BOD1L2: variants seen among roughly 807,000 people sequenced by gnomAD.
The protein encoded by BOD1L2 is biorientation of chromosomes in cell division 1 like 2.
A neutral mutation model predicts 5.3 loss-of-function variants in BOD1L2; 6 were observed. That is an observed-to-expected ratio of 1.14 (90% CI 0.62 to 2.25). The LOEUF is 2.25. Among genes scored for constraint, BOD1L2 ranks in the 30% most tolerant of loss-of-function variants. BOD1L2 has a pLI of 0.00. For synonymous variants in BOD1L2, 96 were observed against 96.3 expected, an observed-to-expected ratio of 1.00 and a Z score of 0.02; for missense variants, 210 against 227.2, an observed-to-expected ratio of 0.92 and a Z score of 0.49.
chr18:57,147,562 C>T lies in BOD1L2; in HGVS notation c.250C>T (p.Leu84=). ...AGCGGATAATTTTGTGTCGACACAT[C>T]TGGACAAGCAGGAATGGAATCCTCC... ...QKADNFVSTH[L]DKQEWNPPAN... The change falls in exon 1 of 1, where the codon CTG becomes TTG. Residue 84 remains leucine, a synonymous_variant. Transcript: ENST00000585477. 1 of 1,612,458 alleles carries T rather than the reference C, an allele frequency of 6.2e-7. No individual in the cohort carries two copies. The highest frequency in any genetic ancestry group is 2.2e-5 in the East Asian group (1 of 44,842).
At position 57,148,740 on chromosome 18, in the gene BOD1L2, G is replaced by A. The variant is rs58105850; in HGVS notation, c.*909G>A. On this transcript the variant is annotated 3_prime_UTR_variant, in exon 1 of 1. Transcript: ENST00000585477. ...GGCCCCTGGTCACCTCTGCTGCCCC[G>A]TACACTGTCATTTCTCATATGACAA... 2,412 of 152,294 alleles carry A rather than the reference G, an allele frequency of 0.016. 67 individuals are homozygous for A. Among genetic ancestry groups the A allele is most frequent in the African/African-American group, 0.055 (2,270 of 41,542 alleles). 9.4% of individuals were successfully genotyped at this position (152,294 alleles called of 1,614,324 possible). A position where few individuals can be genotyped will look rare whatever the true frequency, so the allele number is the denominator to read the frequency against.
In BOD1L2 at chr18:57,148,085, A is replaced by G. The variant is rs111337879; in HGVS notation, c.*254A>G. The G allele has an allele frequency of 0.013, 5,540 of 413,722 alleles. 243 individuals carry two copies. Among genetic ancestry groups the G allele is most frequent in the African/African-American group, 0.097 (4,880 of 50,164 alleles). 25.6% of individuals were successfully genotyped at this position (413,722 alleles called of 1,614,324 possible). Reference sequence around the variant, plus strand: ...AAGGGCATGACACCAAACACACACTACAGAGAGGGAAACACTACCGCGACC... The same window carrying G: ...AAGGGCATGACACCAAACACACACTGCAGAGAGGGAAACACTACCGCGACC... On this transcript the variant is annotated 3_prime_UTR_variant, in exon 1 of 1. Transcript: ENST00000585477.
chr18:57,147,396 G>A lies in BOD1L2; in HGVS notation c.84G>A (p.Pro28=), dbSNP rs952726889. The change falls in exon 1 of 1, where the codon CCG becomes CCA. Residue 28 remains proline, a synonymous_variant. Transcript: ENST00000585477. ...GCGGGGGCGGCGGCCCCATCAACCC[G>A]GCCTCGTTGCCCCCTGGCGACCCTC... The part of the protein sequence containing the change: ...RASGGGGPIN[P]ASLPPGDPQL... The A allele has an allele frequency of 1.5e-5, 23 of 1,535,082 alleles. No homozygotes were observed. The African/African-American group carries it at 2.7e-4, about 18-fold the overall frequency.
At position 57,147,573 on chromosome 18, in the gene BOD1L2, G is replaced by T. The variant is rs761601358; in HGVS notation, c.261G>T (p.Gln87His). Residue 87 changes from glutamine (Q) to histidine (H), a missense_variant, in exon 1 of 1, where the codon CAG becomes CAT. Transcript: ENST00000585477. ...DNFVSTHLDK[Q>H]EWNPPANDNQ... ...TTGTGTCGACACATCTGGACAAGCA[G>T]GAATGGAATCCTCCAGCAAACGACA... 3 of 1,613,016 alleles carry T rather than the reference G, an allele frequency of 1.9e-6. No homozygotes were observed. The Admixed American group carries it at 5.0e-5, about 27-fold the overall frequency.
chr18:57,147,659 T>G lies in BOD1L2; in HGVS notation c.347T>G (p.Val116Gly). The G allele has an allele frequency of 6.2e-7, 1 of 1,613,090 alleles. No individual in the cohort carries two copies. Among genetic ancestry groups the G allele is most frequent in the African/African-American group, 1.3e-5 (1 of 74,882 alleles). ...CAGTCAGGGAGGTCAGAAGCTGGAG[T>G]GGACAGGATTAGTTCTCAGGTGGTG... ...VVQSGRSEAG[V>G]DRISSQVVDP... Residue 116 changes from valine (V) to glycine (G), a missense_variant, in exon 1 of 1, where the codon GTG becomes GGG. Coordinates refer to ENST00000585477, the MANE Select transcript of BOD1L2 (RefSeq NM_001257964.2).
Position 57,147,160 on chromosome 18 carries a change from G to T in BOD1L2, c.-153G>T, listed in dbSNP as rs930036466. On this transcript the variant is annotated 5_prime_UTR_variant, in exon 1 of 1. Coordinates refer to ENST00000585477, the MANE Select transcript of BOD1L2 (RefSeq NM_001257964.2). ...CTCCCCCACCGCCGCCCCAACCACC[G>T]GCCCCGCCGCCATCACCACCACCGT... is the stretch of plus-strand genomic sequence containing the variant. The T allele has an allele frequency of 1.1e-6, 1 of 927,188 alleles. No homozygotes were observed. Among genetic ancestry groups the T allele is most frequent in the Non-Finnish European group, 1.3e-6 (1 of 756,476 alleles). 57.4% of individuals were successfully genotyped at this position (927,188 alleles called of 1,614,324 possible).
chr18:57,147,220 T>C lies in BOD1L2; in HGVS notation c.-93T>C. The stretch of plus-strand genomic sequence containing the variant: ...CGCTGCCTCCTTGGGGCCCTCCTCC[T>C]TCACCGCCCCCTTAGCCACCTCTAC... On this transcript the variant is annotated 5_prime_UTR_variant, in exon 1 of 1. Coordinates refer to ENST00000585477, the MANE Select transcript of BOD1L2 (RefSeq NM_001257964.2). The C allele has an allele frequency of 9.2e-7, 1 of 1,084,440 alleles. No homozygotes were observed. The highest frequency in any genetic ancestry group is 1.1e-6 in the Non-Finnish European group (1 of 892,400). 67.2% of individuals were successfully genotyped at this position (1,084,440 alleles called of 1,614,324 possible).
At position 57,147,724 on chromosome 18, in the gene BOD1L2, C is replaced by T. The variant is rs1276735472; in HGVS notation, c.412C>T (p.Gln138Ter). 1.9e-6 allele frequency: 3 copies of T among 1,613,840 alleles called. No individual in the cohort carries two copies. In the South Asian group the frequency reaches 3.3e-5, roughly 18 times the overall value. ...LNHIFRPQIEQIIHEFLVAQK... is the reference protein window; with the variant it reads ...LNHIFRPQIE ...CCACATCTTCAGGCCACAAATAGAA[C>T]AAATAATTCATGAATTCCTGGTGGC... The change falls in exon 1 of 1, where the codon CAA (glutamine) becomes TAA (stop). Residue 138 changes from glutamine to a stop codon, truncating the protein, a stop_gained. Transcript: ENST00000585477. LOFTEE classifies it high-confidence loss of function.
rs1459522059 is a variant in BOD1L2, at chr18:57,149,814, C to G, written c.*1983C>G. ...TCTGAGACCCCAGCTTGGCACCTAT[C>G]TTTGCACTAACATAAAAGGAACCTA... is the stretch of plus-strand genomic sequence containing the variant. On this transcript the variant is annotated 3_prime_UTR_variant, in exon 1 of 1. Coordinates refer to ENST00000585477, the MANE Select transcript of BOD1L2 (RefSeq NM_001257964.2). 6.6e-6 allele frequency: 1 copy of G among 152,246 alleles called. No individual in the cohort carries two copies. Among genetic ancestry groups the G allele is most frequent in the Non-Finnish European group, 1.5e-5 (1 of 68,054 alleles). 9.4% of individuals were successfully genotyped at this position (152,246 alleles called of 1,614,324 possible).
chr18:57,147,370 A>G lies in BOD1L2; in HGVS notation c.58A>G (p.Ser20Gly), dbSNP rs1165125722. The change falls in exon 1 of 1, where the codon AGC (serine) becomes GGC (glycine). Residue 20 changes from serine (S) to glycine (G), a missense_variant. By Grantham distance (56) the Ser-to-Gly change is moderately conservative (BLOSUM62 0). Transcript: ENST00000585477. ...GGAGPASTRA[S>G]GGGGPINPAS... ...TGCGGGCCCGGCCTCGACCCGGGCC[A>G]GCGGGGGCGGCGGCCCCATCAACCC... is the stretch of plus-strand genomic sequence containing the variant. The G allele has an allele frequency of 6.6e-7, 1 of 1,511,086 alleles. No homozygotes were observed. Among genetic ancestry groups the G allele is most frequent in the South Asian group, 1.2e-5 (1 of 80,014 alleles). The allele number at this position is 1,511,086 out of a possible 1,614,324, so 93.6% of individuals were successfully genotyped here. A position where few individuals can be genotyped will look rare whatever the true frequency, so the allele number is the denominator to read the frequency against.
Position 57,147,430 on chromosome 18 carries a change from G to T in BOD1L2, c.118G>T (p.Ala40Ser). The change falls in exon 1 of 1, where the codon GCT (alanine) becomes TCT (serine). Residue 40 changes from alanine (A) to serine (S), a missense_variant. By Grantham distance (99) the Ala-to-Ser change is moderately conservative. Coordinates refer to ENST00000585477, the MANE Select transcript of BOD1L2 (RefSeq NM_001257964.2). ...GCCCCCTGGCGACCCTCAGCTCATC[G>T]CTATCATCGTGGGGCAGCTCAAGAG... Reference protein sequence around the residue: ...SLPPGDPQLIAIIVGQLKSRG... With the variant: ...SLPPGDPQLISIIVGQLKSRG... 34 of 1,542,840 alleles carry T rather than the reference G, an allele frequency of 2.2e-5. No homozygotes were observed. The highest frequency in any genetic ancestry group is 3.0e-5 in the Non-Finnish European group (34 of 1,148,586).
Position 57,149,422 on chromosome 18 carries a change from A to C in BOD1L2, c.*1591A>C, listed in dbSNP as rs1347181321. ...GCAGTATTTATCATCTAAAAAGTGA[A>C]CAAAAATTAATTTTGCATCTAGTGT... On this transcript the variant is annotated 3_prime_UTR_variant, in exon 1 of 1. Coordinates refer to ENST00000585477, the MANE Select transcript of BOD1L2 (RefSeq NM_001257964.2). 1 of 152,252 alleles carries C rather than the reference A, an allele frequency of 6.6e-6. No homozygotes were observed. Among genetic ancestry groups the C allele is most frequent in the Non-Finnish European group, 1.5e-5 (1 of 68,046 alleles). The allele number at this position is 152,252 out of a possible 1,614,324, so 9.4% of individuals were successfully genotyped here. A position where few individuals can be genotyped will look rare whatever the true frequency, so the allele number is the denominator to read the frequency against.
Position 57,147,745 on chromosome 18 carries a change from G to C in BOD1L2, c.433G>C (p.Val145Leu). The change falls in exon 1 of 1, where the codon GTG becomes CTG. Residue 145 changes from valine (V) to leucine (L), a missense_variant. Physicochemically the swap from Val to Leu is conservative, Grantham distance 32 (BLOSUM62 1). Transcript: ENST00000585477. ...QIEQIIHEFL[V>L]AQKEAAVPAL... ...AGAACAAATAATTCATGAATTCCTGGTGGCCCAGAAAGAAGCAGCTGTGCC... is the reference window on the plus strand; with the variant it reads ...AGAACAAATAATTCATGAATTCCTGCTGGCCCAGAAAGAAGCAGCTGTGCC... The C allele has an allele frequency of 6.2e-7, 1 of 1,613,860 alleles. No individual in the cohort carries two copies. The highest frequency in any genetic ancestry group is 8.5e-7 in the Non-Finnish European group (1 of 1,180,028).
At position 57,147,229 on chromosome 18, in the gene BOD1L2, C is replaced by A; in HGVS notation, c.-84C>A. ...CTTGGGGCCCTCCTCCTTCACCGCC[C>A]CCTTAGCCACCTCTACACATTCTAG... On this transcript the variant is annotated 5_prime_UTR_variant, in exon 1 of 1. Transcript: ENST00000585477. 9.1e-7 allele frequency: 1 copy of A among 1,102,034 alleles called. No individual in the cohort carries two copies. The highest frequency in any genetic ancestry group is 1.1e-6 in the Non-Finnish European group (1 of 903,742). The allele number at this position is 1,102,034 out of a possible 1,614,324, so 68.3% of individuals were successfully genotyped here. A position where few individuals can be genotyped will look rare whatever the true frequency, so the allele number is the denominator to read the frequency against.
Position 57,147,324 on chromosome 18 carries a change from TGGCGGC to T in BOD1L2, c.19_24del (p.Gly7_Gly8del). 1 of 1,190,180 alleles carries T rather than the reference TGGCGGC, an allele frequency of 8.4e-7. No individual in the cohort carries two copies. The highest frequency in any genetic ancestry group is 1.0e-6 in the Non-Finnish European group (1 of 965,046). The allele number at this position is 1,190,180 out of a possible 1,614,324, so 73.7% of individuals were successfully genotyped here. A position where few individuals can be genotyped will look rare whatever the true frequency, so the allele number is the denominator to read the frequency against. On this transcript the variant is annotated inframe_deletion, in exon 1 of 1. Transcript: ENST00000585477. ...CCCGGTGCGCAGCCATGGCGGACGG[TGGCGGC>T]GGCGGCAGCGGCGGTGCGGGCCCGG...
Position 57,147,364 on chromosome 18 carries a change from C to T in BOD1L2, c.52C>T (p.Arg18Trp). ...GSGGAGPAST[R>W]ASGGGGPINP... ...CGGCGGTGCGGGCCCGGCCTCGACCCGGGCCAGCGGGGGCGGCGGCCCCAT... is the reference window on the plus strand; with the variant it reads ...CGGCGGTGCGGGCCCGGCCTCGACCTGGGCCAGCGGGGGCGGCGGCCCCAT... The change falls in exon 1 of 1, where the codon CGG (arginine) becomes TGG (tryptophan). Residue 18 changes from arginine (R) to tryptophan (W), a missense_variant. Transcript: ENST00000585477. 14 of 1,498,736 alleles carry T rather than the reference C, an allele frequency of 9.3e-6. No individual in the cohort carries two copies. Among genetic ancestry groups the T allele is most frequent in the African/African-American group, 1.4e-5 (1 of 71,840 alleles). 92.8% of individuals were successfully genotyped at this position (1,498,736 alleles called of 1,614,324 possible).
In BOD1L2 at chr18:57,148,286, T is replaced by C. The variant is rs1361555443; in HGVS notation, c.*455T>C. 2.5e-5 allele frequency: 4 copies of C among 159,460 alleles called. No homozygotes were observed. Among genetic ancestry groups the C allele is most frequent in the Admixed American group, 5.9e-5 (1 of 17,000 alleles). 9.9% of individuals were successfully genotyped at this position (159,460 alleles called of 1,614,324 possible). A position where few individuals can be genotyped will look rare whatever the true frequency, so the allele number is the denominator to read the frequency against. On this transcript the variant is annotated 3_prime_UTR_variant, in exon 1 of 1. Coordinates refer to ENST00000585477, the MANE Select transcript of BOD1L2 (RefSeq NM_001257964.2). Reference sequence around the variant, plus strand: ...TGGGAGGAATATTTGACAGTACTTATTTGATATTGTCTCTCAGAGTTGCAA... The same window carrying C: ...TGGGAGGAATATTTGACAGTACTTACTTGATATTGTCTCTCAGAGTTGCAA...
At position 57,147,375 on chromosome 18, in the gene BOD1L2, G is replaced by A. The variant is rs1013457747; in HGVS notation, c.63G>A (p.Gly21=). 5 of 1,517,740 alleles carry A rather than the reference G, an allele frequency of 3.3e-6. No individual in the cohort carries two copies. Among genetic ancestry groups the A allele is most frequent in the Non-Finnish European group, 2.6e-6 (3 of 1,137,042 alleles). The allele number at this position is 1,517,740 out of a possible 1,614,324, so 94.0% of individuals were successfully genotyped here. The part of the protein sequence containing the change: ...GAGPASTRAS[G]GGGPINPASL... ...GCCCGGCCTCGACCCGGGCCAGCGG[G>A]GGCGGCGGCCCCATCAACCCGGCCT... The change falls in exon 1 of 1, where the codon GGG becomes GGA. Residue 21 remains glycine, a synonymous_variant. Coordinates refer to ENST00000585477, the MANE Select transcript of BOD1L2 (RefSeq NM_001257964.2).
At position 57,147,154 on chromosome 18, in the gene BOD1L2, A is replaced by G. The variant is rs1199173367; in HGVS notation, c.-159A>G. On this transcript the variant is annotated 5_prime_UTR_variant, in exon 1 of 1. Coordinates refer to ENST00000585477, the MANE Select transcript of BOD1L2 (RefSeq NM_001257964.2). ...GCTGGCCTCCCCCACCGCCGCCCCAACCACCGGCCCCGCCGCCATCACCAC... is the reference window on the plus strand; with the variant it reads ...GCTGGCCTCCCCCACCGCCGCCCCAGCCACCGGCCCCGCCGCCATCACCAC... The G allele has an allele frequency of 3.0e-6, 3 of 994,630 alleles. No individual in the cohort carries two copies. Among genetic ancestry groups the G allele is most frequent in the South Asian group, 4.7e-5 (1 of 21,084 alleles). 61.6% of individuals were successfully genotyped at this position (994,630 alleles called of 1,614,324 possible). A position where few individuals can be genotyped will look rare whatever the true frequency, so the allele number is the denominator to read the frequency against.
Sources: allele counts gnomAD v4.1 joint callset, GRCh38; gene constraint gnomAD v4.1.1; transcripts MANE v1.5; gene names NCBI Gene and HGNC (gene_info 2026-07-23, HGNC 2026-07-21).